Variants in CD6 observed in about 807,000 individuals in gnomAD.
CD6 encodes CD6 molecule, also known as T-cell differentiation antigen CD6.
CD6 carries 53 observed loss-of-function variants against 75.3 expected under a neutral mutation model. The ratio of observed to expected loss-of-function variants is 0.70; its 90% CI spans 0.56 to 0.88. The LOEUF (loss-of-function observed/expected upper bound fraction) is 0.88, where lower values mean the gene tolerates loss of function less well. Ranked by LOEUF, CD6 falls within the 40% of genes least tolerant of loss-of-function variation. CD6 has a pLI of 0.00. For synonymous variants in CD6, 359 were observed against 381.5 expected (o/e 0.94, Z 0.69); for missense variants, 770 against 897.1 (o/e 0.86, Z 1.81).
intron 2 of CD6, 59 bp downstream of exon 2, chr11:61,006,701 G>A (rs924508318): frequency 7.1e-7 from 1 of 1,411,114 alleles, no homozygotes; most frequent in Non-Finnish European, 9.9e-7. Context: ...GTCCCCCAGG[G>A]TAATAAAGAA....
intron 1 of CD6, among the ~76,000 whole-genome samples, chr11:60,990,903 C>A (rs1858035104): frequency 6.6e-6 from 1 of 151,826 alleles, no homozygotes; most frequent in Non-Finnish European, 1.5e-5. Flanking sequence ...ATGGAATAAT[C>A]CAGCCTATGA....
intron 1 of CD6, among the ~76,000 whole-genome samples, chr11:60,976,060 T>C (rs1401474012): frequency 6.6e-6 from 1 of 152,150 alleles, no homozygotes; most frequent in African/African-American, 2.4e-5. Flanking sequence ...AGAAGTGCAG[T>C]TTTGTTACAC....
At chr11:61,011,283 G>A (rs1233935063) in intron 6 of CD6, 148 bp downstream of exon 6, 11 of 664,980 alleles carry the variant, frequency 1.7e-5, no homozygotes, top group Admixed American at 2.4e-5. Flanking sequence ...TGCCTCCCCG[G>A]GGCTCTCTGG....
At chr11:61,010,961 C>A in intron 5 of CD6, 109 bp from the exon 6 acceptor site, 1 of 976,804 alleles carries the variant, frequency 1.0e-6, no homozygotes, top group Admixed American at 1.8e-5. Context: ...GGGAGCACAA[C>A]CCTAGTTCTG....
chr11:60,990,776 C>G (rs1416963873), intron 1 of CD6, among the ~76,000 whole-genome samples: 1 of 48,438 alleles, frequency 2.1e-5, no homozygotes, highest in Non-Finnish European at 6.8e-5. Context: ...GAGACATGTA[C>G]TATATTTTAT....
chr11:61,009,985 C>T, intron 5 of CD6, 111 bp downstream of exon 5: 1 of 1,048,842 alleles, frequency 9.5e-7, no homozygotes, highest in Non-Finnish European at 1.4e-6. Flanking sequence ...GGCAATGGCA[C>T]ATATGGCATA....
In CD6 at chr11:60,992,823, G is replaced by A. The variant is rs113565498; in HGVS notation, c.50-13751G>A. On this transcript the variant is annotated intron_variant, in intron 1 of 12. Transcript: ENST00000313421. ...AGCCTCGGCGACAGTGTGAGACTCC[G>A]TCTCCAAAAATAAAAAAAAATAAAA... Among the ~76,000 whole-genome samples, 963 of 151,282 alleles carry A rather than the reference G, an allele frequency of 6.4e-3. 4 individuals are homozygous for A. Among genetic ancestry groups the A allele is most frequent in the Non-Finnish European group, 0.01 (711 of 67,860 alleles).
chr11:61,001,223 C>T (rs1373095616), intron 1 of CD6, among the ~76,000 whole-genome samples: 14 of 101,630 alleles, frequency 1.4e-4, no homozygotes, highest in African/African-American at 4.5e-4. Context: ...TTTTTTGAGA[C>T]GGAGTCTTGC....
chr11:61,008,699 C>G lies in CD6; in HGVS notation c.635C>G (p.Pro212Arg). 1 of 1,607,724 alleles carries G rather than the reference C, an allele frequency of 6.2e-7. No homozygotes were observed. Among genetic ancestry groups the G allele is most frequent in the Non-Finnish European group, 8.5e-7 (1 of 1,177,708 alleles). The change falls in exon 4 of 13, where the codon CCC becomes CGC. Residue 212 changes from proline (P) to arginine (R), a missense_variant. Physicochemically the swap from Pro to Arg is moderately radical, Grantham distance 103 (BLOSUM62 -2). Transcript: ENST00000313421. ...TGCGGCTGGGCAGTCCAGGCCCTGC[C>G]CGGCTTGCACTTCACGCCCGGCCGC... is the stretch of plus-strand genomic sequence containing the variant. ...LGCGWAVQAL[P>R]GLHFTPGRGP...
chr11:60,997,378 CAAAAA>C (rs761587409), intron 1 of CD6, among the ~76,000 whole-genome samples: 1 of 79,668 alleles, frequency 1.3e-5, no homozygotes, highest in African/African-American at 4.8e-5. Context: ...GACTCCGTCT[CAAAAA>C]AAAAAAAAAT....
intron 12 of CD6, chr11:61,018,883 G>A (rs900925372): frequency 3.9e-5 from 11 of 284,252 alleles, no homozygotes; most frequent in Middle Eastern, 9.9e-4. Context: ...GGATGTGGAC[G>A]GGATGGAGAA....
At chr11:60,983,093 T>A (rs1041224043) in intron 1 of CD6, among the ~76,000 whole-genome samples, 1 of 151,628 alleles carries the variant, frequency 6.6e-6, no homozygotes, top group Non-Finnish European at 1.5e-5. Context: ...TTTGTTTTTT[T>A]ACTTCACTTT....
At chr11:61,000,720 C>G (rs1858540273) in intron 1 of CD6, among the ~76,000 whole-genome samples, 1 of 152,218 alleles carries the variant, frequency 6.6e-6, no homozygotes, top group Admixed American at 6.5e-5. Context: ...ATCTCAGGAG[C>G]CTGGGTGACA....
chr11:61,013,412 C>A lies in CD6; in HGVS notation c.1151-11C>A, dbSNP rs901096202. ...TCCTCTTTCTTCCTGAATTGGAATT[C>A]TTGTTTCCAGAATCTTCTGTGACAG... On this transcript the variant is annotated splice_polypyrimidine_tract_variant and intron_variant, in intron 6 of 12. Coordinates refer to ENST00000313421, the MANE Select transcript of CD6 (RefSeq NM_006725.5). The A allele has an allele frequency of 1.9e-6, 3 of 1,613,362 alleles. No individual in the cohort carries two copies. The African/African-American group carries it at 4.0e-5, about 22-fold the overall frequency.
At chr11:60,996,372 G>A (rs1236704413) in intron 1 of CD6, among the ~76,000 whole-genome samples, 1 of 152,130 alleles carries the variant, frequency 6.6e-6, no homozygotes, top group African/African-American at 2.4e-5. Context: ...TCCCATCAGT[G>A]TGGGTTGGGA....
At position 61,011,075 on chromosome 11, in the gene CD6, C is replaced by T. The variant is rs145393446; in HGVS notation, c.1090C>T (p.Arg364Trp). The change falls in exon 6 of 13, where the codon CGG becomes TGG. Residue 364 changes from arginine (R) to tryptophan (W), a missense_variant. Physicochemically the swap from Arg to Trp is moderately radical, Grantham distance 101. Transcript: ENST00000313421. ...TGGGCGGTGCTTTCTGACAGCTTCC[C>T]GGAGTTTGCACAATCTGTCCACTCC... ...LAARVLCSAS[R>W]SLHNLSTPEV... 1.5e-5 allele frequency: 25 copies of T among 1,613,900 alleles called. No homozygotes were observed. The African/African-American group carries it at 1.6e-4, about 10-fold the overall frequency.
chr11:61,015,685 C>A (rs766511700), intron 8 of CD6, 28 bp from the exon 9 acceptor site: 12 of 1,613,188 alleles, frequency 7.4e-6, no homozygotes, highest in Middle Eastern at 3.3e-4. Flanking sequence ...ACCACTTTGC[C>A]ATGCCCTCGA....
chr11:60,979,957 C>T (rs1470997717), intron 1 of CD6, among the ~76,000 whole-genome samples: 1 of 152,194 alleles, frequency 6.6e-6, no homozygotes, highest in Admixed American at 6.5e-5. Context: ...CCACCCATTA[C>T]CAGGGACTTA....
rs140272389 is a variant in CD6, at chr11:60,984,717, G to A, written c.49+12803G>A. 6.4e-3 allele frequency among the ~76,000 whole-genome samples: 973 copies of A among 152,352 alleles called. 6 individuals are homozygous for A. Among genetic ancestry groups the A allele is most frequent in the South Asian group, 0.048 (230 of 4,824 alleles). On this transcript the variant is annotated intron_variant, in intron 1 of 12. Transcript: ENST00000313421. ...TAAGGGGACTGAGAGCGGTTGCACT[G>A]GAGACACAGGCAGAACCTCGGAGGG...
Sources: allele counts gnomAD v4.1 joint callset (sites outside exome capture counted in the v4.1 genomes callset), GRCh38; gene constraint gnomAD v4.1.1; transcripts MANE v1.5; gene names NCBI Gene and HGNC (gene_info 2026-07-23, HGNC 2026-07-21).